HDAC9: variants seen among roughly 807,000 people sequenced by gnomAD.
The protein encoded by HDAC9 is histone deacetylase 9.
A neutral mutation model predicts 139.4 loss-of-function variants in HDAC9; 41 were observed. That is an observed-to-expected ratio of 0.29 (90% CI 0.23 to 0.38). The LOEUF (loss-of-function observed/expected upper bound fraction) is 0.38. HDAC9 is among the 10% of genes least tolerant of loss of function. The pLI, the probability that HDAC9 is intolerant of heterozygous loss-of-function variation, is 1.00. For missense variants in HDAC9, 1,147 were observed against 1,297.0 expected (o/e 0.88, Z 1.78); for synonymous variants, 517 against 476.2 (o/e 1.09, Z -1.12).
At chr7:18,391,996 C>A (rs1005773785) in intron 1 of HDAC9, among the ~76,000 whole-genome samples, 1 of 152,096 alleles carries the variant, frequency 6.6e-6, no homozygotes, top group Non-Finnish European at 1.5e-5. Context: ...TGTATCTTTC[C>A]CTTATGTAAA....
At chr7:18,384,912 C>A (rs978238684) in intron 1 of HDAC9, among the ~76,000 whole-genome samples, 2 of 151,710 alleles carry the variant, frequency 1.3e-5, no homozygotes, top group Non-Finnish European at 2.9e-5. Context: ...ATTAGATAGA[C>A]ACATTTCTCC....
chr7:18,492,645 C>G (rs1427141817), upstream of HDAC9, among the ~76,000 whole-genome samples: 1 of 151,870 alleles, frequency 6.6e-6, no homozygotes, highest in Admixed American at 6.6e-5. Context: ...ACCCATCTAC[C>G]TAGCCTGACA....
At chr7:18,356,451 T>A (rs907263079) in intron 1 of HDAC9, among the ~76,000 whole-genome samples, 1 of 142,226 alleles carries the variant, frequency 7.0e-6, no homozygotes, top group Non-Finnish European at 1.5e-5. Flanking sequence ...AACTCTCCAA[T>A]TTTAGTTCAT....
At chr7:18,880,848 G>GA (rs970257593) in intron 22 of HDAC9, among the ~76,000 whole-genome samples, 1 of 150,748 alleles carries the variant, frequency 6.6e-6, no homozygotes, top group African/African-American at 2.4e-5. Flanking sequence ...GTTGCCGGGG[G>GA]GGGGGGAACC....
intron 12 of HDAC9, among the ~76,000 whole-genome samples, chr7:18,706,597 C>A (rs1053209216): frequency 1.3e-5 from 2 of 152,282 alleles, no homozygotes; most frequent in African/African-American, 4.8e-5. Flanking sequence ...CACAGTTGAG[C>A]GCAGTAGTTC....
intron 6 of HDAC9, among the ~76,000 whole-genome samples, chr7:18,602,072 G>A (rs979270189): frequency 2.0e-5 from 3 of 152,092 alleles, no homozygotes; most frequent in African/African-American, 7.2e-5. Flanking sequence ...AAATTTACTA[G>A]TGAAACCATT....
At chr7:18,783,390 G>T (rs1293401658) in intron 16 of HDAC9, among the ~76,000 whole-genome samples, 2 of 152,084 alleles carry the variant, frequency 1.3e-5, no homozygotes, top group Non-Finnish European at 2.9e-5. Context: ...TATATCTGTT[G>T]TGAAGAAATA....
intron 25 of HDAC9, among the ~76,000 whole-genome samples, chr7:18,991,193 C>G (rs1289384000): frequency 6.6e-6 from 1 of 151,938 alleles, no homozygotes; most frequent in Non-Finnish European, 1.5e-5. Flanking sequence ...TATGGGATGT[C>G]TAGTATGTAT....
At chr7:18,278,056 C>A (rs1450066329) in intron 2 of HDAC9, among the ~76,000 whole-genome samples, 1 of 152,170 alleles carries the variant, frequency 6.6e-6, no homozygotes, top group Admixed American at 6.5e-5. Flanking sequence ...AGAGGAAGCA[C>A]CATCTTGAAC....
intron 12 of HDAC9, among the ~76,000 whole-genome samples, chr7:18,721,231 C>T (rs147153808): frequency 9.2e-5 from 14 of 152,238 alleles, no homozygotes; most frequent in African/African-American, 3.4e-4. Context: ...TAAAACACTA[C>T]AGGTACAATT....
At chr7:18,234,585 C>G (rs1309338080) in intron 2 of HDAC9, among the ~76,000 whole-genome samples, 1 of 152,162 alleles carries the variant, frequency 6.6e-6, no homozygotes. Context: ...GAATCCGAGG[C>G]ATAGCATTTG....
At chr7:18,623,591 A>T (rs1415265003) in intron 6 of HDAC9, among the ~76,000 whole-genome samples, 1 of 152,178 alleles carries the variant, frequency 6.6e-6, no homozygotes, top group Non-Finnish European at 1.5e-5. Context: ...TTTGTAGATG[A>T]TAAAATGATT....
chr7:18,445,823 G>A (rs1562995382), intron 1 of HDAC9, among the ~76,000 whole-genome samples: 1 of 152,180 alleles, frequency 6.6e-6, no homozygotes, highest in Non-Finnish European at 1.5e-5. Context: ...AAAATATCCT[G>A]AAAATGGTTT....
chr7:18,094,239 C>G (rs1240835062), intron 1 of HDAC9, among the ~76,000 whole-genome samples: 1 of 152,134 alleles, frequency 6.6e-6, no homozygotes, highest in Non-Finnish European at 1.5e-5. Context: ...GAGCCAGCCC[C>G]AGCTTGACTG....
At chr7:18,672,373 G>A (rs979959674) in intron 12 of HDAC9, among the ~76,000 whole-genome samples, 1 of 152,006 alleles carries the variant, frequency 6.6e-6, no homozygotes, top group Non-Finnish European at 1.5e-5. Flanking sequence ...ATCTAGTCAA[G>A]TCCTTTGCCC....
At position 18,648,666 on chromosome 7, in the gene HDAC9, C is replaced by G; in HGVS notation, c.1450C>G (p.Gln484Glu). Residue 484 changes from glutamine to glutamate, a missense_variant, in exon 11 of 26, where the codon CAG (glutamine) becomes GAG (glutamate). Physicochemically the swap from Gln to Glu is conservative, Grantham distance 29. Around this residue, in one of 7 missense-constraint regions of HDAC9, gnomAD observed 256 missense variants for 219.2 expected, o/e 1.17. Coordinates refer to ENST00000686413, the MANE Select transcript of HDAC9 (RefSeq NM_178425.4). The part of the protein sequence containing the change: ...FLEKQKQYQQ[Q>E]IHMNKLLSKS... ...GGAGAAGCAGAAGCAATACCAGCAG[C>G]AGATCCACATGAACAAAGTAAGCCT... 6.2e-7 allele frequency: 1 copy of G among 1,612,274 alleles called. No homozygotes were observed. Among genetic ancestry groups the G allele is most frequent in the East Asian group, 2.2e-5 (1 of 44,586 alleles).
chr7:18,407,331 A>G (rs1327272780), intron 1 of HDAC9, among the ~76,000 whole-genome samples: 1 of 152,220 alleles, frequency 6.6e-6, no homozygotes, highest in Non-Finnish European at 1.5e-5. Flanking sequence ...ACATCTCTGC[A>G]GTAAGTATAG....
chr7:18,930,109 C>T (rs1418205085), intron 22 of HDAC9, among the ~76,000 whole-genome samples: 1 of 152,108 alleles, frequency 6.6e-6, no homozygotes, highest in Non-Finnish European at 1.5e-5. Flanking sequence ...GGCATCCAAG[C>T]TCCTCCCTCA....
At chr7:18,742,474 G>C (rs748287883) in intron 13 of HDAC9, among the ~76,000 whole-genome samples, 1 of 152,194 alleles carries the variant, frequency 6.6e-6, no homozygotes, top group Admixed American at 6.5e-5. Flanking sequence ...ATAGGTTACA[G>C]TATAATGTAA....
Sources: allele counts gnomAD v4.1 joint callset (sites outside exome capture counted in the v4.1 genomes callset), GRCh38; gene constraint gnomAD v4.1.1; regional missense constraint gnomAD v4.1.1; transcripts MANE v1.5; gene names NCBI Gene and HGNC (gene_info 2026-07-23, HGNC 2026-07-21).